RANBP3L: variants seen among roughly 807,000 people sequenced by gnomAD.
RANBP3L encodes RAN binding protein 3 like, also known as ran-binding protein 3-like.
A neutral mutation model predicts 67.2 loss-of-function variants in RANBP3L; 56 were observed. The observed-to-expected ratio is 0.83, with a 90% CI of 0.67 to 1.04. RANBP3L has a LOEUF of 1.04. Ranked by LOEUF, RANBP3L falls within the 50% of genes least tolerant of loss-of-function variation. RANBP3L has a pLI of 0.00. For missense variants in RANBP3L, 496 were observed against 535.5 expected (o/e 0.93, Z 0.73); for synonymous variants, 164 against 181.4 (o/e 0.90, Z 0.77).
chr5:36,257,683 T>G (rs1749091049), intron 8 of RANBP3L, 127 bp from the exon 9 acceptor site: 1 of 462,474 alleles, frequency 2.2e-6, no homozygotes, highest in South Asian at 3.4e-5. Flanking sequence ...GGTATGTTTT[T>G]GTTTTGGACT....
intron 1 of RANBP3L, among the ~76,000 whole-genome samples, chr5:36,300,382 G>A (rs1374035031): frequency 6.6e-6 from 1 of 152,182 alleles, no homozygotes; most frequent in African/African-American, 2.4e-5. Flanking sequence ...ATGCAGAGAG[G>A]TGGCCTGACA....
intron 11 of RANBP3L, among the ~76,000 whole-genome samples, chr5:36,254,681 G>C (rs1055472524): frequency 7.9e-5 from 12 of 151,888 alleles, no homozygotes; most frequent in African/African-American, 2.9e-4. Context: ...TCTTGAGTTT[G>C]ATATCCAAAA....
chr5:36,268,235 A>G (rs1464660644), intron 4 of RANBP3L: 2 of 1,538,760 alleles, frequency 1.3e-6, no homozygotes, highest in Middle Eastern at 1.7e-4. Context: ...GTGACGGATG[A>G]ACATCTCATT....
rs1748341078 is a variant in RANBP3L at position 36,247,037 on chromosome 5, T to A, written c.*2617A>T. On this transcript the variant is annotated 3_prime_UTR_variant, in exon 14 of 14. Transcript: ENST00000296604. ...AATGACATAAATTAGTTAATTAAATTTTAATTAAAAACAGCTGCTTTGGAA... is the reference window on the plus strand; with the variant it reads ...AATGACATAAATTAGTTAATTAAATATTAATTAAAAACAGCTGCTTTGGAA... Among the ~76,000 whole-genome samples the A allele has an allele frequency of 1.3e-5, 2 of 149,962 alleles. No homozygotes were observed. Among genetic ancestry groups the A allele is most frequent in the South Asian group, 2.1e-4 (1 of 4,760 alleles).
chr5:36,253,841 A>C (rs774867660), intron 11 of RANBP3L, 52 bp from the exon 12 acceptor site: 9 of 1,521,658 alleles, frequency 5.9e-6, no homozygotes, highest in African/African-American at 1.4e-5. Context: ...ACACGGAGGA[A>C]TTTACCATTT....
intron 1 of RANBP3L, among the ~76,000 whole-genome samples, chr5:36,286,814 C>T (rs1364607307): frequency 6.6e-6 from 1 of 152,236 alleles, no homozygotes; most frequent in South Asian, 2.1e-4. Flanking sequence ...ACTGCTCTTC[C>T]CCTAGATGTG....
chr5:36,275,882 T>TCAGACTCC (rs1249978014), intron 1 of RANBP3L, among the ~76,000 whole-genome samples: 3 of 152,072 alleles, frequency 2.0e-5, no homozygotes, highest in African/African-American at 7.2e-5. Flanking sequence ...GAGTCTCCTG[T>TCAGACTCC]TTTTCCAGAA....
chr5:36,279,358 T>A (rs887647272), intron 1 of RANBP3L, among the ~76,000 whole-genome samples: 1 of 152,134 alleles, frequency 6.6e-6, no homozygotes, highest in Non-Finnish European at 1.5e-5. Flanking sequence ...AAACTTTTTT[T>A]AATGAAATAA....
chr5:36,254,272 C>A (rs76188990), intron 11 of RANBP3L, among the ~76,000 whole-genome samples: 8,260 of 151,948 alleles, frequency 0.054, 793 homozygotes, highest in African/African-American at 0.19. Context: ...AAAATAAACA[C>A]CATGAATCAG....
chr5:36,294,836 AT>A (rs1752079060), intron 1 of RANBP3L, among the ~76,000 whole-genome samples: 1 of 148,534 alleles, frequency 6.7e-6, no homozygotes, highest in Non-Finnish European at 1.5e-5. Context: ...ATACATATAT[AT>A]GACATATAAA....
At chr5:36,297,204 A>G (rs560818374) in intron 1 of RANBP3L, among the ~76,000 whole-genome samples, 138 of 152,252 alleles carry the variant, frequency 9.1e-4, no homozygotes, top group African/African-American at 3.2e-3. Flanking sequence ...CTAGAGAAAA[A>G]TGTTATTAAG....
chr5:36,272,415 C>A lies in RANBP3L; in HGVS notation c.92-1104G>T, dbSNP rs1320539122. ...ACTGAGGTAATTTGCCATCCCTGAG[C>A]TGAATAAATAAAGCTGTAGCTGACA... On this transcript the variant is annotated intron_variant, in intron 1 of 13. Transcript: ENST00000296604. Among the ~76,000 whole-genome samples, 6 of 152,164 alleles carry A rather than the reference C, an allele frequency of 3.9e-5. No homozygotes were observed. In the East Asian group the frequency reaches 1.2e-3, roughly 29 times the overall value.
At chr5:36,257,657 G>T in intron 8 of RANBP3L, 101 bp from the exon 9 acceptor site, 1 of 499,368 alleles carries the variant, frequency 2.0e-6, no homozygotes, top group Non-Finnish European at 3.6e-6. Flanking sequence ...TTTCAACACA[G>T]CAAGCAAACC....
In RANBP3L at chr5:36,247,961, T is replaced by C. The variant is rs1347567531; in HGVS notation, c.*1693A>G. On this transcript the variant is annotated 3_prime_UTR_variant, in exon 14 of 14. Coordinates refer to ENST00000296604, the MANE Select transcript of RANBP3L (RefSeq NM_145000.5). ...TTAGCAATTTATAGTGCAATCACAA[T>C]GTTCCCACATCAGCTGAGATCTTAA... is the stretch of plus-strand genomic sequence containing the variant. Among the ~76,000 whole-genome samples the C allele has an allele frequency of 6.6e-6, 1 of 152,236 alleles. No individual in the cohort carries two copies. Among genetic ancestry groups the C allele is most frequent in the Non-Finnish European group, 1.5e-5 (1 of 68,040 alleles).
Position 36,257,440 on chromosome 5 carries a change from G to C in RANBP3L, c.772+14C>G. 1 of 1,305,200 alleles carries C rather than the reference G, an allele frequency of 7.7e-7. No individual in the cohort carries two copies. The highest frequency in any genetic ancestry group is 1.1e-6 in the Non-Finnish European group (1 of 910,510). 80.9% of individuals were successfully genotyped at this position (1,305,200 alleles called of 1,614,324 possible). On this transcript the variant is annotated intron_variant, in intron 9 of 13. Coordinates refer to ENST00000296604, the MANE Select transcript of RANBP3L (RefSeq NM_145000.5). ...TAGGTGAATCTAATGTTTTACAAAT[G>C]AAAGAATTCTTACTTGAACTTAAAA...
Position 36,269,353 on chromosome 5 carries a change from A to G in RANBP3L, c.268+37T>C, listed in dbSNP as rs185398861. ...CAGTAATTTTGCATTCAGAATAAACATAACAGTGAATAGTCAACAGTCAAG... is the reference window on the plus strand; with the variant it reads ...CAGTAATTTTGCATTCAGAATAAACGTAACAGTGAATAGTCAACAGTCAAG... On this transcript the variant is annotated intron_variant, in intron 4 of 13. Coordinates refer to ENST00000296604, the MANE Select transcript of RANBP3L (RefSeq NM_145000.5). 5,842 of 1,192,108 alleles carry G rather than the reference A, an allele frequency of 4.9e-3. 26 individuals carry two copies. The highest frequency in any genetic ancestry group is 6.3e-3 in the Non-Finnish European group (5,099 of 805,698). The allele number at this position is 1,192,108 out of a possible 1,614,324, so 73.8% of individuals were successfully genotyped here. A position where few individuals can be genotyped will look rare whatever the true frequency, so the allele number is the denominator to read the frequency against.
chr5:36,284,902 G>A lies in RANBP3L; in HGVS notation c.92-13591C>T, dbSNP rs16902929. 7.8e-3 allele frequency among the ~76,000 whole-genome samples: 1,192 copies of A among 152,254 alleles called. 15 individuals are homozygous for A. Among genetic ancestry groups the A allele is most frequent in the African/African-American group, 0.027 (1,108 of 41,540 alleles). ...TAATAGCAACCTATTCTAAACAACT[G>A]AACCACAAATTGAGTTTAAGGGCCA... On this transcript the variant is annotated intron_variant, in intron 1 of 13. Transcript: ENST00000296604.
chr5:36,261,644 C>T (rs1442590409), intron 7 of RANBP3L, among the ~76,000 whole-genome samples: 2 of 152,130 alleles, frequency 1.3e-5, no homozygotes, highest in Non-Finnish European at 2.9e-5. Context: ...AGAGCCTAAT[C>T]TACTAATCAG....
intron 6 of RANBP3L, among the ~76,000 whole-genome samples, chr5:36,262,541 C>T (rs933084635): frequency 1.2e-4 from 19 of 152,008 alleles, no homozygotes; most frequent in African/African-American, 4.6e-4. Flanking sequence ...GCCTTATGTA[C>T]ATATGTGTAT....
Sources: gnomAD v4.1 joint callset for allele counts (sites outside exome capture counted in the v4.1 genomes callset) on GRCh38, gnomAD v4.1.1 for gene constraint, MANE v1.5 for transcripts, NCBI Gene and HGNC (gene_info 2026-07-23, HGNC 2026-07-21) for gene names.